The following EFCAB11 variants were observed in gnomAD, a reference collection of about 807,000 sequenced individuals.
The protein encoded by EFCAB11 is EF-hand calcium binding domain 11, also known as EF-hand calcium-binding domain-containing protein 11.
EFCAB11 carries 14 observed loss-of-function variants against 23.0 expected under a neutral mutation model. That is an observed-to-expected ratio of 0.61 (90% CI 0.40 to 0.95). The LOEUF is 0.95. Among genes scored for constraint, EFCAB11 ranks in the 40% least tolerant of loss-of-function variants. The pLI, the probability that EFCAB11 is intolerant of heterozygous loss-of-function variation, is 0.00. For missense variants in EFCAB11, 198 were observed against 195.8 expected, an observed-to-expected ratio of 1.01 and a Z score of -0.07; for synonymous variants, 65 against 66.6, an observed-to-expected ratio of 0.98 and a Z score of 0.11.
chr14:89,932,186 T>C (rs1236771314), intron 4 of EFCAB11, among the ~76,000 whole-genome samples: 2 of 151,904 alleles, frequency 1.3e-5, no homozygotes, highest in Non-Finnish European at 2.9e-5. Context: ...CATATGTAGG[T>C]CAGAGCAAGA....
At chr14:89,877,745 A>G (rs1196222949) in intron 5 of EFCAB11, among the ~76,000 whole-genome samples, 1 of 152,292 alleles carries the variant, frequency 6.6e-6, no homozygotes, top group Non-Finnish European at 1.5e-5. Context: ...TGTTTTAATT[A>G]AAAGCACTCA....
At chr14:89,875,624 T>G (rs1242744980) in intron 5 of EFCAB11, among the ~76,000 whole-genome samples, 2 of 152,032 alleles carry the variant, frequency 1.3e-5, no homozygotes, top group Non-Finnish European at 2.9e-5. Context: ...CAAAGAAAGT[T>G]ATACAAAAAA....
chr14:89,855,474 T>G (rs112491618), intron 5 of EFCAB11, among the ~76,000 whole-genome samples: 4,795 of 152,258 alleles, frequency 0.031, 108 homozygotes, highest in South Asian at 0.1. Context: ...ACACTCCATC[T>G]CAAACAATAA....
intron 5 of EFCAB11, among the ~76,000 whole-genome samples, chr14:89,862,415 G>C (rs1299938745): frequency 6.6e-6 from 1 of 152,092 alleles, no homozygotes; most frequent in Non-Finnish European, 1.5e-5. Flanking sequence ...TCTGAATATA[G>C]AGGGGATTTT....
intron 5 of EFCAB11, among the ~76,000 whole-genome samples, chr14:89,810,837 C>T (rs895444946): frequency 1.3e-5 from 2 of 151,848 alleles, no homozygotes; most frequent in Admixed American, 6.6e-5. Flanking sequence ...CTATGGTCCA[C>T]GCACAGTAGG....
chr14:89,817,814 C>A (rs1002481834), intron 5 of EFCAB11, among the ~76,000 whole-genome samples: 3 of 151,804 alleles, frequency 2.0e-5, no homozygotes, highest in Non-Finnish European at 4.4e-5. Flanking sequence ...GCCAACATGG[C>A]GAAACCCCGT....
chr14:89,922,372 C>T (rs527576939), intron 5 of EFCAB11, among the ~76,000 whole-genome samples: 1 of 152,154 alleles, frequency 6.6e-6, no homozygotes, highest in Non-Finnish European at 1.5e-5. Flanking sequence ...AAGGAGACGG[C>T]CATGCCATTC....
rs182630648 is a variant in EFCAB11 at position 89,949,142 on chromosome 14, T to C, written c.217+955A>G. Among the ~76,000 whole-genome samples the C allele has an allele frequency of 5.9e-5, 9 of 152,212 alleles. No individual in the cohort carries two copies. The East Asian group carries it at 1.7e-3, about 29-fold the overall frequency. The stretch of plus-strand genomic sequence containing the variant: ...ATAACTAAGAGTGTAACTGGACTGT[T>C]TGTAACACAAAGGATTAATGCTCGA... On this transcript the variant is annotated intron_variant, in intron 3 of 5. Transcript: ENST00000316738.
chr14:89,896,563 G>GTACA (rs957613854), intron 5 of EFCAB11, among the ~76,000 whole-genome samples: 2 of 152,146 alleles, frequency 1.3e-5, no homozygotes, highest in African/African-American at 4.8e-5. Flanking sequence ...CCATTCCTAA[G>GTACA]TACATATCCA....
chr14:89,953,293 G>A (rs1891251907), intron 2 of EFCAB11, among the ~76,000 whole-genome samples: 1 of 151,854 alleles, frequency 6.6e-6, no homozygotes, highest in Non-Finnish European at 1.5e-5. Flanking sequence ...ATGCAGTAGT[G>A]GTGTGTGCTT....
At chr14:89,882,809 C>T (rs1035444539) in intron 5 of EFCAB11, among the ~76,000 whole-genome samples, 2 of 152,172 alleles carry the variant, frequency 1.3e-5, no homozygotes, top group African/African-American at 4.8e-5. Flanking sequence ...TCCCCTCAGA[C>T]CTCCAGCTGA....
chr14:89,796,282 A>G lies in EFCAB11; in HGVS notation c.*961T>C, dbSNP rs1423019260. ...TTTGGACTCAGGGACATTATCTTAG[A>G]GAAGTCTTTATATGTTTTTTTTTAA... On this transcript the variant is annotated 3_prime_UTR_variant, in exon 6 of 6. Transcript: ENST00000316738. 6.6e-6 allele frequency: 1 copy of G among 152,190 alleles called. No individual in the cohort carries two copies. The highest frequency in any genetic ancestry group is 1.5e-5 in the Non-Finnish European group (1 of 68,050). The allele number at this position is 152,190 out of a possible 1,614,324, so 9.4% of individuals were successfully genotyped here. A position where few individuals can be genotyped will look rare whatever the true frequency, so the allele number is the denominator to read the frequency against.
chr14:89,858,680 T>TG (rs1887829893), intron 5 of EFCAB11, among the ~76,000 whole-genome samples: 1 of 148,182 alleles, frequency 6.7e-6, no homozygotes, highest in African/African-American at 2.5e-5. Flanking sequence ...TTTTTTTTTT[T>TG]GTAGAGGCAG....
chr14:89,892,525 C>T (rs1725887568), intron 5 of EFCAB11: 6 of 1,115,948 alleles, frequency 5.4e-6, no homozygotes, highest in African/African-American at 1.6e-5. Flanking sequence ...CTCTGGAGGA[C>T]AAATGACAGA....
At chr14:89,894,405 C>CT (rs1745026424) in intron 5 of EFCAB11, among the ~76,000 whole-genome samples, 1 of 151,918 alleles carries the variant, frequency 6.6e-6, no homozygotes, top group South Asian at 2.1e-4. Context: ...TCCTAATGCT[C>CT]TGCCTCCAGT....
At chr14:89,924,060 AT>A in intron 5 of EFCAB11, 1 of 985,516 alleles carries the variant, frequency 1.0e-6, no homozygotes, top group Non-Finnish European at 1.2e-6. Flanking sequence ...CATCTATATA[AT>A]TTTTCTGCCA....
At chr14:89,877,050 T>C (rs1205439445) in intron 5 of EFCAB11, among the ~76,000 whole-genome samples, 1 of 152,108 alleles carries the variant, frequency 6.6e-6, no homozygotes, top group Non-Finnish European at 1.5e-5. Flanking sequence ...AAAAGTTTTT[T>C]TTTTTTTGAG....
At chr14:89,925,137 T>C (rs1378271556) in intron 5 of EFCAB11, among the ~76,000 whole-genome samples, 1 of 152,200 alleles carries the variant, frequency 6.6e-6, no homozygotes, top group Admixed American at 6.5e-5. Flanking sequence ...GGTTTAAACC[T>C]GGACAGGTAA....
chr14:89,846,718 T>C (rs763229503), intron 5 of EFCAB11, among the ~76,000 whole-genome samples: 6 of 152,224 alleles, frequency 3.9e-5, no homozygotes, highest in Non-Finnish European at 7.3e-5. Context: ...CTACATTCTC[T>C]AAGTCTATGA....
Sources: allele counts gnomAD v4.1 joint callset (sites outside exome capture counted in the v4.1 genomes callset), GRCh38; gene constraint gnomAD v4.1.1; transcripts MANE v1.5; gene names NCBI Gene and HGNC (gene_info 2026-07-23, HGNC 2026-07-21).